The following ALLC variants were observed in gnomAD, a reference collection of about 807,000 sequenced individuals.
ALLC encodes probable inactive allantoicase.
A neutral mutation model predicts 45.0 loss-of-function variants in ALLC; 40 were observed. That is an observed-to-expected ratio of 0.89 (90% confidence interval 0.69 to 1.16). ALLC has a LOEUF of 1.16. Ranked by LOEUF, ALLC falls within the 50% of genes most tolerant of loss-of-function variation. ALLC has a pLI of 0.00. For missense variants in ALLC, 488 were observed against 493.1 expected (o/e 0.99, Z 0.10); for synonymous variants, 176 against 178.1 (o/e 0.99, Z 0.09).
chr2:3,682,794 G>C, intron 6 of ALLC, 148 bp from the exon 7 acceptor site: 2 of 755,294 alleles, frequency 2.6e-6, no homozygotes, highest in South Asian at 3.8e-5. Flanking sequence ...CAAGGTGCTG[G>C]GATTACAGGC....
At chr2:3,695,939 T>C (rs555824482) in intron 8 of ALLC, 67 bp downstream of exon 8, 2 of 1,456,494 alleles carry the variant, frequency 1.4e-6, no homozygotes, top group Non-Finnish European at 1.9e-6. Context: ...TACCCCAATA[T>C]GGTCAGAGTG....
At chr2:3,650,917 C>T in the ALLC span, among the ~76,000 whole-genome samples, 2 of 152,214 alleles carry the variant, frequency 1.3e-5, no homozygotes, top group Non-Finnish European at 2.9e-5. Flanking sequence ...AACACTGGGC[C>T]TGAAGTCAGA....
At chr2:3,655,472 T>C (rs1311804681), upstream of ALLC, among the ~76,000 whole-genome samples, 1 of 152,176 alleles carries the variant, frequency 6.6e-6, no homozygotes, top group African/African-American at 2.4e-5. Flanking sequence ...TGTTTGTTTT[T>C]TGAGATAGGG....
At chr2:3,655,598 G>A (rs902116591), upstream of ALLC, among the ~76,000 whole-genome samples, 1 of 152,090 alleles carries the variant, frequency 6.6e-6, no homozygotes, top group African/African-American at 2.4e-5. Flanking sequence ...TGGGAATACA[G>A]GTGTGTGTCA....
intron 2 of ALLC, among the ~76,000 whole-genome samples, chr2:3,672,725 A>AGATCGGAG (rs1666921044): frequency 2.8e-5 from 2 of 70,236 alleles, no homozygotes; most frequent in Non-Finnish European, 3.1e-5. Flanking sequence ...TTAGATCGGA[A>AGATCGGAG]GTCCTCTGGC....
chr2:3,691,494 C>T (rs182387485), intron 7 of ALLC, among the ~76,000 whole-genome samples: 2 of 152,108 alleles, frequency 1.3e-5, no homozygotes, highest in East Asian at 3.9e-4. Context: ...AAATCCTGGG[C>T]TCAAGCAATC....
Position 3,695,782 on chromosome 2 carries a change from A to G in ALLC, c.577A>G (p.Lys193Glu), listed in dbSNP as rs773562620. The stretch of plus-strand genomic sequence containing the variant: ...AAAAGACTGGACTGCAACTGACCCC[A>G]AAGAACCTGCAGACCTAGTGGCCAT... ...GQKDWTATDP[K>E]EPADLVAIAF... The change falls in exon 8 of 12, where the codon AAA becomes GAA. Residue 193 changes from lysine to glutamate, a missense_variant. By Grantham distance (56) the Lys-to-Glu change is moderately conservative (BLOSUM62 1). Transcript: ENST00000252505. 2.3e-5 allele frequency: 37 copies of G among 1,613,922 alleles called. No homozygotes were observed. Among genetic ancestry groups the G allele is most frequent in the Non-Finnish European group, 3.1e-5 (37 of 1,179,908 alleles).
chr2:3,651,445 G>GTGTGTGTGTGT, the ALLC span, among the ~76,000 whole-genome samples: 6 of 25,460 alleles, frequency 2.4e-4, 2 homozygotes, highest in South Asian at 2.1e-3. Context: ...GTGTGTGTTA[G>GTGTGTGTGTGT]GAAGGGAGAC....
At chr2:3,659,709 A>G (rs1242754743) in intron 1 of ALLC, among the ~76,000 whole-genome samples, 1 of 152,214 alleles carries the variant, frequency 6.6e-6, no homozygotes, top group Non-Finnish European at 1.5e-5. Flanking sequence ...ATGGCGCAAG[A>G]GTCGTGGAGC....
chr2:3,669,854 C>A (rs1666820276), intron 1 of ALLC, among the ~76,000 whole-genome samples: 1 of 152,112 alleles, frequency 6.6e-6, no homozygotes, highest in Non-Finnish European at 1.5e-5. Flanking sequence ...GAGGCTTGGA[C>A]CTGTCGGCTT....
intron 7 of ALLC, among the ~76,000 whole-genome samples, chr2:3,685,053 A>G (rs1026648263): frequency 3.3e-5 from 5 of 152,208 alleles, no homozygotes; most frequent in Non-Finnish European, 5.9e-5. Flanking sequence ...CAATATATTG[A>G]TTTACTTTCT....
rs146544040 is a variant in ALLC, at chr2:3,679,734, G to A, written c.173-135G>A. On this transcript the variant is annotated intron_variant, in intron 4 of 11. Transcript: ENST00000252505. The stretch of plus-strand genomic sequence containing the variant: ...CCTACAGTCATATTAGCTAAGAACC[G>A]CCCTGAACAGTTTTTTCTGTGATGG... 1,536 of 1,206,344 alleles carry A rather than the reference G, an allele frequency of 1.3e-3. 1 individual carries two copies. The highest frequency in any genetic ancestry group is 1.6e-3 in the South Asian group (118 of 74,778). The allele number at this position is 1,206,344 out of a possible 1,614,324, so 74.7% of individuals were successfully genotyped here. A position where few individuals can be genotyped will look rare whatever the true frequency, so the allele number is the denominator to read the frequency against.
chr2:3,671,811 G>C (rs1233992533), intron 2 of ALLC, among the ~76,000 whole-genome samples: 11 of 92,138 alleles, frequency 1.2e-4, no homozygotes, highest in South Asian at 3.5e-4. Context: ...CTGGTTAGAT[G>C]GGAGGTCCTC....
chr2:3,661,800 A>G (rs545813442), intron 1 of ALLC, among the ~76,000 whole-genome samples: 13 of 152,330 alleles, frequency 8.5e-5, no homozygotes, highest in African/African-American at 2.9e-4. Context: ...AGTGTCTTAC[A>G]GAATGCAGAT....
intron 1 of ALLC, among the ~76,000 whole-genome samples, chr2:3,661,659 C>A (rs1666580080): frequency 6.6e-6 from 1 of 152,350 alleles, no homozygotes; most frequent in African/African-American, 2.4e-5. Context: ...TCAGCCTAAA[C>A]CTCTTAGCAC....
chr2:3,658,894 A>AC (rs1666504343), intron 1 of ALLC, among the ~76,000 whole-genome samples: 1 of 151,678 alleles, frequency 6.6e-6, no homozygotes. Context: ...AAAAAAAAAA[A>AC]ACCTAAACAA....
At chr2:3,682,674 C>CA (rs1667216401) in intron 6 of ALLC, among the ~76,000 whole-genome samples, 1 of 152,024 alleles carries the variant, frequency 6.6e-6, no homozygotes, top group Non-Finnish European at 1.5e-5. Flanking sequence ...TACAGGCGCC[C>CA]GCCACCACGC....
chr2:3,649,545 A>G, the ALLC span, among the ~76,000 whole-genome samples: 1 of 152,212 alleles, frequency 6.6e-6, no homozygotes, highest in African/African-American at 2.4e-5. Flanking sequence ...CCGGCCCCCA[A>G]ACACTTCTAA....
Position 3,668,395 on chromosome 2 carries a change from G to T in ALLC, c.-62-2701G>T, listed in dbSNP as rs2147995821. On this transcript the variant is annotated intron_variant, in intron 1 of 11. Coordinates refer to ENST00000252505, the MANE Select transcript of ALLC (RefSeq NM_018436.4). Reference sequence around the variant, plus strand: ...AGCAGCTTTCATTCTGAGTGAACAGGGAATGACTTTTGTTTCTGAAAGCTT... The same window carrying T: ...AGCAGCTTTCATTCTGAGTGAACAGTGAATGACTTTTGTTTCTGAAAGCTT... 2.6e-5 allele frequency among the ~76,000 whole-genome samples: 4 copies of T among 152,074 alleles called. No homozygotes were observed. The Middle Eastern group carries it at 0.014, about 517-fold the overall frequency.
Sources: allele counts gnomAD v4.1 joint callset (sites outside exome capture counted in the v4.1 genomes callset), GRCh38; gene constraint gnomAD v4.1.1; transcripts MANE v1.5; gene names NCBI Gene and HGNC (gene_info 2026-07-23, HGNC 2026-07-21).